The following BRCA2 variants were observed in gnomAD, a reference collection of about 807,000 sequenced individuals.
BRCA2 encodes the protein breast cancer type 2 susceptibility protein.
In BRCA2, 203 loss-of-function variants were observed where a neutral mutation model predicts 276.7. The ratio of observed to expected loss-of-function variants is 0.73; its 90% CI spans 0.65 to 0.82. The LOEUF (loss-of-function observed/expected upper bound fraction) is 0.82, where lower values mean the gene tolerates loss of function less well. Among genes scored for constraint, BRCA2 ranks in the 40% least tolerant of loss-of-function variants. The pLI, the probability that BRCA2 is intolerant of heterozygous loss-of-function variation, is 0.00. For synonymous variants in BRCA2, 1,289 were observed against 1,338.4 expected, an observed-to-expected ratio of 0.96 and a Z score of 0.81; for missense variants, 3,920 against 3,915.0, an observed-to-expected ratio of 1.00 and a Z score of -0.03.
Position 32,338,420 on chromosome 13 carries a change from C to T in BRCA2, c.4065C>T (p.Asp1355=), listed in dbSNP as rs1555283532. ...TTTGTATTCATAAAGATGAAACGGA[C>T]TTGCTATTTACTGATCAGCACAACA... ...DTVCIHKDET[D]LLFTDQHNIC... The change falls in exon 11 of 27, where the codon GAC becomes GAT. Residue 1355 remains aspartate, a synonymous_variant. Transcript: ENST00000380152. 6.2e-7 allele frequency: 1 copy of T among 1,606,328 alleles called. No individual in the cohort carries two copies. Among genetic ancestry groups the T allele is most frequent in the Non-Finnish European group, 8.5e-7 (1 of 1,177,578 alleles).
chr13:32,384,048 A>G (rs560376619), intron 24 of BRCA2, among the ~76,000 whole-genome samples: 1 of 152,328 alleles, frequency 6.6e-6, no homozygotes, highest in Admixed American at 6.5e-5. Context: ...TATGAGTTAA[A>G]ATCTTCAAGG....
In BRCA2 at chr13:32,336,771, G is replaced by C. The variant is rs56404215; in HGVS notation, c.2416G>C (p.Asp806His). The C allele has an allele frequency of 4.9e-5, 79 of 1,610,824 alleles. No homozygotes were observed. The highest frequency in any genetic ancestry group is 6.5e-5 in the Non-Finnish European group (77 of 1,178,808). Reference protein sequence around the residue: ...DKLKGNNYESDVELTKNIPME... With the variant: ...DKLKGNNYESHVELTKNIPME... ...GCTCAAAGGTAACAATTATGAATCT[G>C]ATGTTGAATTAACCAAAAATATTCC... The change falls in exon 11 of 27, where the codon GAT becomes CAT. Residue 806 changes from aspartate to histidine, a missense_variant. This residue lies in a region of BRCA2 where 3,263 missense variants were observed against 3,156.9 expected (regional missense o/e 1.03). Coordinates refer to ENST00000380152, the MANE Select transcript of BRCA2 (RefSeq NM_000059.4).
chr13:32,319,623 G>A (rs1244125397), intron 3 of BRCA2, among the ~76,000 whole-genome samples: 2 of 152,214 alleles, frequency 1.3e-5, no homozygotes, highest in South Asian at 2.1e-4. Context: ...GACTTGTTTT[G>A]ATGTTAATTA....
At chr13:32,331,149 C>G (rs1005896878) in intron 9 of BRCA2, 119 bp downstream of exon 9, 7 of 727,972 alleles carry the variant, frequency 9.6e-6, no homozygotes, top group African/African-American at 7.2e-5. Context: ...ACCTCTGCCT[C>G]CCGTGCTCAA....
rs1487692362 is a variant in BRCA2 at position 32,377,290 on chromosome 13, T to TA, written c.8754+502dup. On this transcript the variant is annotated intron_variant, in intron 21 of 26. Coordinates refer to ENST00000380152, the MANE Select transcript of BRCA2 (RefSeq NM_000059.4). ...TGGCACTCTCATTTTATTAGCAAAGTAAATGACAATAAAATAGCTGGCCAG... is the reference window on the plus strand; with the variant it reads ...TGGCACTCTCATTTTATTAGCAAAGTAAAATGACAATAAAATAGCTGGCCAG... 2.6e-5 allele frequency among the ~76,000 whole-genome samples: 4 copies of TA among 152,064 alleles called. No individual in the cohort carries two copies. In the South Asian group the frequency reaches 6.2e-4, roughly 24 times the overall value.
In BRCA2 at chr13:32,380,158, A is replaced by G. The variant is rs730881597; in HGVS notation, c.9256+13A>G. On this transcript the variant is annotated intron_variant, in intron 24 of 26. Coordinates refer to ENST00000380152, the MANE Select transcript of BRCA2 (RefSeq NM_000059.4). ...GTGAAAAAAACAGGTAATGCACAATATAGTTAATTTTTTTTATTGATTCTT... is the reference window on the plus strand; with the variant it reads ...GTGAAAAAAACAGGTAATGCACAATGTAGTTAATTTTTTTTATTGATTCTT... 13 of 1,597,762 alleles carry G rather than the reference A, an allele frequency of 8.1e-6. No homozygotes were observed. The South Asian group carries it at 1.0e-4, about 13-fold the overall frequency.
intron 1 of BRCA2, 142 bp from the exon 2 acceptor site, chr13:32,316,280 C>T: frequency 1.5e-6 from 1 of 663,324 alleles, no homozygotes; most frequent in Admixed American, 2.4e-5. Flanking sequence ...ATGTTCCCAT[C>T]CTCACAGTAA....
At chr13:32,384,114 ATGAATGACAGTC>A (rs1191733683) in intron 24 of BRCA2, among the ~76,000 whole-genome samples, 2 of 152,210 alleles carry the variant, frequency 1.3e-5, no homozygotes, top group Non-Finnish European at 2.9e-5. Flanking sequence ...AGGAACAGTA[ATGAATGACAGTC>A]TGATAACACG....
Position 32,369,487 on chromosome 13 carries a change from T to G in BRCA2, c.8332-915T>G, listed in dbSNP as rs150976113. Among the ~76,000 whole-genome samples the G allele has an allele frequency of 1.3e-4, 20 of 152,326 alleles. No homozygotes were observed. In the East Asian group the frequency reaches 3.7e-3, roughly 28 times the overall value. On this transcript the variant is annotated intron_variant, in intron 18 of 26. Transcript: ENST00000380152. ...AACAAGTTTGGTGGCTGAATAACCT[T>G]GGGCAAGTTGTGTAGTTTCTCATAT...
Position 32,398,448 on chromosome 13 carries a change from T to C in BRCA2, c.9935T>C (p.Ile3312Thr). 1 of 1,614,136 alleles carries C rather than the reference T, an allele frequency of 6.2e-7. No individual in the cohort carries two copies. The highest frequency in any genetic ancestry group is 8.5e-7 in the Non-Finnish European group (1 of 1,180,018). Residue 3312 changes from isoleucine to threonine, a missense_variant, in exon 27 of 27, where the codon ATA becomes ACA. By Grantham distance (89) the Ile-to-Thr change is moderately conservative (BLOSUM62 -1). Around this residue, in one of 2 missense-constraint regions of BRCA2, gnomAD observed 657 missense variants for 758.2 expected, o/e 0.87. Transcript: ENST00000380152. ...RSCGTKYETP[I>T]KKKELNSPQM... is the part of the protein sequence containing the mutation. Reference sequence around the variant, plus strand: ...TGTGGCACCAAATACGAAACACCCATAAAGAAAAAAGAACTGAATTCTCCT... The same window carrying C: ...TGTGGCACCAAATACGAAACACCCACAAAGAAAAAAGAACTGAATTCTCCT...
At position 32,340,836 on chromosome 13, in the gene BRCA2, G is replaced by A. The variant is rs1555284714; in HGVS notation, c.6481G>A (p.Asp2161Asn). 2 of 1,592,518 alleles carry A rather than the reference G, an allele frequency of 1.3e-6. No homozygotes were observed. The highest frequency in any genetic ancestry group is 4.5e-5 in the East Asian group (2 of 44,688). The change falls in exon 11 of 27, where the codon GAC (aspartate) becomes AAC (asparagine). Residue 2161 changes from aspartate (D) to asparagine (N), a missense_variant. This residue lies in a region of BRCA2 where 3,263 missense variants were observed against 3,156.9 expected (regional missense o/e 1.03). Coordinates refer to ENST00000380152, the MANE Select transcript of BRCA2 (RefSeq NM_000059.4). ...VSPYLSQFQQ[D>N]KQQLVLGTKV... ...TCCATATCTCTCTCAATTTCAACAA[G>A]ACAAACAACAGTTGGTATTAGGAAC...
At position 32,394,769 on chromosome 13, in the gene BRCA2, A is replaced by G. The variant is rs1566258935; in HGVS notation, c.9337A>G (p.Ile3113Val). 1 of 1,614,108 alleles carries G rather than the reference A, an allele frequency of 6.2e-7. No homozygotes were observed. The highest frequency in any genetic ancestry group is 8.5e-7 in the Non-Finnish European group (1 of 1,179,972). Reference protein sequence around the residue: ...IKFWIDLNEDIIKPHMLIAAS... With the variant: ...IKFWIDLNEDVIKPHMLIAAS... ...GTTTTGGATAGACCTTAATGAGGAC[A>G]TTATTAAGCCTCATATGTTAATTGC... The change falls in exon 25 of 27, where the codon ATT becomes GTT. Residue 3113 changes from isoleucine (I) to valine (V), a missense_variant. Physicochemically the swap from Ile to Val is conservative, Grantham distance 29. Coordinates refer to ENST00000380152, the MANE Select transcript of BRCA2 (RefSeq NM_000059.4).
intron 3 of BRCA2, among the ~76,000 whole-genome samples, chr13:32,323,072 C>T (rs2072316928): frequency 6.6e-6 from 1 of 152,238 alleles, no homozygotes; most frequent in Admixed American, 6.5e-5. Flanking sequence ...ACATCCTCAC[C>T]AGCATTTGGT....
rs11571673 is a variant in BRCA2, at chr13:32,344,485, T to A, written c.6842-73T>A. 751 of 955,304 alleles carry A rather than the reference T, an allele frequency of 7.9e-4. 7 individuals are homozygous for A. The African/African-American group carries it at 0.011, about 14-fold the overall frequency. The allele number at this position is 955,304 out of a possible 1,614,324, so 59.2% of individuals were successfully genotyped here. ...AGTCAATACTTTAGCTTTAAAAAAATGGTCTATAGACTTTTGAGAAATAAA... is the reference window on the plus strand; with the variant it reads ...AGTCAATACTTTAGCTTTAAAAAAAAGGTCTATAGACTTTTGAGAAATAAA... On this transcript the variant is annotated intron_variant, in intron 11 of 26. Coordinates refer to ENST00000380152, the MANE Select transcript of BRCA2 (RefSeq NM_000059.4).
chr13:32,339,795 G>T lies in BRCA2; in HGVS notation c.5440G>T (p.Val1814Leu), dbSNP rs2072529444. Residue 1814 changes from valine (V) to leucine (L), a missense_variant, in exon 11 of 27, where the codon GTG (valine) becomes TTG (leucine). Coordinates refer to ENST00000380152, the MANE Select transcript of BRCA2 (RefSeq NM_000059.4). ...TGAAGATATTTGCGTTGAGGAACTT[G>T]TGACTAGCTCTTCACCCTGCAAAAA... The part of the protein sequence containing the change: ...VNEDICVEEL[V>L]TSSSPCKNKN... The T allele has an allele frequency of 6.2e-7, 1 of 1,613,746 alleles. No homozygotes were observed.
Position 32,337,884 on chromosome 13 carries a change from G to A in BRCA2, c.3529G>A (p.Asp1177Asn), listed in dbSNP as rs1060502397. 1.2e-6 allele frequency: 2 copies of A among 1,614,088 alleles called. No individual in the cohort carries two copies. Among genetic ancestry groups the A allele is most frequent in the African/African-American group, 1.3e-5 (1 of 75,048 alleles). The change falls in exon 11 of 27, where the codon GAC (aspartate) becomes AAC (asparagine). Residue 1177 changes from aspartate (D) to asparagine (N), a missense_variant. By Grantham distance (23) the Asp-to-Asn change is conservative. Coordinates refer to ENST00000380152, the MANE Select transcript of BRCA2 (RefSeq NM_000059.4). The stretch of plus-strand genomic sequence containing the variant: ...GAATGCCCCATCGATTGGTCAGGTA[G>A]ACAGCAGCAAGCAATTTGAAGGTAC... ...IMNAPSIGQV[D>N]SSKQFEGTVE...
intron 18 of BRCA2, among the ~76,000 whole-genome samples, chr13:32,364,819 C>T (rs768761235): frequency 2.3e-4 from 35 of 152,252 alleles, no homozygotes; most frequent in Admixed American, 3.9e-4. Flanking sequence ...TTCTGAAGTG[C>T]TCATTTTCTA....
chr13:32,350,981 C>T (rs568493896), intron 13 of BRCA2, among the ~76,000 whole-genome samples: 24 of 152,032 alleles, frequency 1.6e-4, no homozygotes, highest in Non-Finnish European at 2.6e-4. Flanking sequence ...TGTAAACGCA[C>T]CGGTCAGCAC....
chr13:32,356,293 C>T, intron 14 of BRCA2, 135 bp from the exon 15 acceptor site: 3 of 802,584 alleles, frequency 3.7e-6, no homozygotes, highest in Admixed American at 4.3e-5. Context: ...TGGTCTTGAA[C>T]TCCCGACCTC....
Sources: allele counts gnomAD v4.1 joint callset (sites outside exome capture counted in the v4.1 genomes callset), GRCh38; gene constraint gnomAD v4.1.1; regional missense constraint gnomAD v4.1.1; transcripts MANE v1.5; gene names NCBI Gene and HGNC (gene_info 2026-07-23, HGNC 2026-07-21).